RASEF: variants seen among roughly 807,000 people sequenced by gnomAD.
RASEF encodes ras and EF-hand domain-containing protein.
In RASEF, 68 loss-of-function variants were observed where a neutral mutation model predicts 90.1. That is an observed-to-expected ratio of 0.75 (90% CI 0.62 to 0.92). RASEF has a LOEUF of 0.92. Among genes scored for constraint, RASEF ranks in the 40% least tolerant of loss-of-function variants. The pLI, the probability that RASEF is intolerant of heterozygous loss-of-function variation, is 0.00. For missense variants in RASEF, 949 were observed against 937.2 expected, an observed-to-expected ratio of 1.01 and a Z score of -0.16; for synonymous variants, 331 against 345.2, an observed-to-expected ratio of 0.96 and a Z score of 0.46.
chr9:83,186,508 C>T, the RASEF span, among the ~76,000 whole-genome samples: 1 of 152,158 alleles, frequency 6.6e-6, no homozygotes, highest in East Asian at 1.9e-4. Flanking sequence ...CCCCAGCCTC[C>T]TCCTGCACGC....
At position 83,005,513 on chromosome 9, in the gene RASEF, GA is replaced by G. The variant is rs547236217; in HGVS notation, c.1029-14del. The G allele has an allele frequency of 1.8e-4, 289 of 1,593,484 alleles. 3 individuals carry two copies. In the East Asian group the frequency reaches 3.2e-3, roughly 18 times the overall value. ...CCGGTTAGCTGTTCTGCAGGGTAAA[GA>G]AACAAGCAGAAAGAGAGACAAGGAA... On this transcript the variant is annotated splice_polypyrimidine_tract_variant and intron_variant, in intron 7 of 16. Coordinates refer to ENST00000376447, the MANE Select transcript of RASEF (RefSeq NM_152573.4).
Position 83,038,299 on chromosome 9 carries a change from A to C in RASEF, c.432-12378T>G, listed in dbSNP as rs547180687. Among the ~76,000 whole-genome samples the C allele has an allele frequency of 2.0e-5, 3 of 152,250 alleles. No individual in the cohort carries two copies. In the East Asian group the frequency reaches 5.8e-4, roughly 29 times the overall value. On this transcript the variant is annotated intron_variant, in intron 1 of 16. Coordinates refer to ENST00000376447, the MANE Select transcript of RASEF (RefSeq NM_152573.4). ...ACATGTCAATACCAAGACAAAAAAG[A>C]ATTTACGATATCCTCCACTTAGAAT...
the RASEF span, among the ~76,000 whole-genome samples, chr9:83,146,048 C>T: frequency 6.6e-6 from 1 of 150,688 alleles, no homozygotes; most frequent in South Asian, 2.1e-4. Context: ...TTGAAGCAAA[C>T]AAATGAAGTG....
chr9:83,033,917 A>G (rs1829691512), intron 1 of RASEF, among the ~76,000 whole-genome samples: 1 of 152,158 alleles, frequency 6.6e-6, no homozygotes, highest in African/African-American at 2.4e-5. Flanking sequence ...CCCTGAACGA[A>G]TCACACTTGT....
intron 1 of RASEF, among the ~76,000 whole-genome samples, chr9:83,027,733 G>A (rs747143912): frequency 1.4e-4 from 22 of 152,276 alleles, no homozygotes; most frequent in Middle Eastern, 3.4e-3. Context: ...CTGATTCACC[G>A]ACAGGAATGT....
the RASEF span, among the ~76,000 whole-genome samples, chr9:83,070,706 C>G: frequency 1.5e-4 from 23 of 152,238 alleles, no homozygotes; most frequent in South Asian, 3.3e-3. Context: ...TTGAATCTTA[C>G]AGCTCAATCT....
chr9:83,010,846 T>C (rs1325316906), intron 5 of RASEF, among the ~76,000 whole-genome samples: 1 of 152,082 alleles, frequency 6.6e-6, no homozygotes, highest in Non-Finnish European at 1.5e-5. Flanking sequence ...AGCATATCTG[T>C]TCACACCGTC....
chr9:83,152,394 G>A, the RASEF span, among the ~76,000 whole-genome samples: 1 of 152,134 alleles, frequency 6.6e-6, no homozygotes, highest in Non-Finnish European at 1.5e-5. Flanking sequence ...AGCTGGAAGG[G>A]CCCTTATACA....
chr9:82,987,136 A>G (rs1342153723), intron 16 of RASEF, among the ~76,000 whole-genome samples: 1 of 152,228 alleles, frequency 6.6e-6, no homozygotes, highest in Non-Finnish European at 1.5e-5. Flanking sequence ...CCAAGGTTGT[A>G]AAACTTCAAC....
At chr9:83,118,069 T>C in the RASEF span, among the ~76,000 whole-genome samples, 1 of 152,104 alleles carries the variant, frequency 6.6e-6, no homozygotes, top group Admixed American at 6.5e-5. Context: ...AAAGGGTGCT[T>C]AATAAAATAC....
chr9:83,074,379 G>A, the RASEF span, among the ~76,000 whole-genome samples: 2 of 152,108 alleles, frequency 1.3e-5, no homozygotes, highest in African/African-American at 2.4e-5. Context: ...TTACAAGTCT[G>A]TTGTTAGAAT....
At chr9:83,164,373 A>ATATATGTG in the RASEF span, among the ~76,000 whole-genome samples, 8 of 141,976 alleles carry the variant, frequency 5.6e-5, no homozygotes, top group Non-Finnish European at 9.2e-5. Context: ...ATATATATAT[A>ATATATGTG]TGTGTGTGTG....
At chr9:83,005,191 A>C (rs1028982072) in intron 8 of RASEF, among the ~76,000 whole-genome samples, 8 of 152,178 alleles carry the variant, frequency 5.3e-5, no homozygotes, top group African/African-American at 2.4e-5. Flanking sequence ...TTCCTAGAAC[A>C]TCTATAAAAA....
At chr9:83,181,636 C>A in the RASEF span, among the ~76,000 whole-genome samples, 1 of 152,268 alleles carries the variant, frequency 6.6e-6, no homozygotes, top group Admixed American at 6.5e-5. Context: ...TGAAGCAACT[C>A]TACAGTTATT....
the RASEF span, among the ~76,000 whole-genome samples, chr9:83,070,940 T>A: frequency 6.6e-6 from 1 of 152,202 alleles, no homozygotes; most frequent in Non-Finnish European, 1.5e-5. Flanking sequence ...GTATAAAAAT[T>A]CAGTTGATTT....
intron 12 of RASEF, 79 bp downstream of exon 12, chr9:83,000,090 G>A: frequency 7.7e-7 from 1 of 1,298,190 alleles, no homozygotes; most frequent in Non-Finnish European, 1.1e-6. Context: ...CTGAGCATCT[G>A]TGTATGTAAT....
At chr9:83,117,489 T>G in the RASEF span, among the ~76,000 whole-genome samples, 2 of 152,332 alleles carry the variant, frequency 1.3e-5, no homozygotes, top group South Asian at 4.1e-4. Context: ...ATTAAGGTTC[T>G]TTCTAGATGT....
the RASEF span, among the ~76,000 whole-genome samples, chr9:83,193,010 C>T: frequency 6.6e-5 from 10 of 152,214 alleles, no homozygotes; most frequent in Non-Finnish European, 1.3e-4. Context: ...AATACATCCA[C>T]TTCTATGCTA....
chr9:83,116,308 T>C, the RASEF span, among the ~76,000 whole-genome samples: 1 of 152,192 alleles, frequency 6.6e-6, no homozygotes. Flanking sequence ...TTTTATGACA[T>C]GGGCCACACT....
Sources: allele counts gnomAD v4.1 joint callset (sites outside exome capture counted in the v4.1 genomes callset), GRCh38; gene constraint gnomAD v4.1.1; transcripts MANE v1.5; gene names NCBI Gene and HGNC (gene_info 2026-07-23, HGNC 2026-07-21).